Variants in GAS7 observed in about 807,000 individuals in gnomAD.
GAS7 encodes growth arrest specific 7.
Under a neutral mutation model 71.1 loss-of-function variants are expected in GAS7, and 28 were observed. That is an observed-to-expected ratio of 0.39 (90% confidence interval 0.29 to 0.54). The LOEUF (loss-of-function observed/expected upper bound fraction) is 0.54. Ranked by LOEUF, GAS7 falls within the 20% of genes least tolerant of loss-of-function variation. The probability of loss-of-function intolerance (pLI) is 0.62; values close to 1 mark genes in which losing one functional copy is unlikely to be tolerated. For missense variants in GAS7, 436 were observed against 627.8 expected (o/e 0.69, Z 3.27); for synonymous variants, 258 against 245.8 (o/e 1.05, Z -0.46).
chr17:10,056,753 C>A (rs1567572573), intron 1 of GAS7, among the ~76,000 whole-genome samples: 2 of 151,724 alleles, frequency 1.3e-5, no homozygotes, highest in Non-Finnish European at 2.9e-5. Context: ...TCTCCCTCCC[C>A]ACGATCTCCC....
intron 1 of GAS7, among the ~76,000 whole-genome samples, chr17:10,142,278 G>C (rs1245250065): frequency 6.6e-6 from 1 of 151,578 alleles, no homozygotes; most frequent in Non-Finnish European, 1.5e-5. Context: ...ACTAAAAGCA[G>C]ATTGTAAATC....
intron 1 of GAS7, among the ~76,000 whole-genome samples, chr17:10,020,973 C>A (rs765688940): frequency 5.9e-5 from 9 of 152,034 alleles, no homozygotes; most frequent in Non-Finnish European, 1.0e-4. Flanking sequence ...TCCCTGGGTG[C>A]TGGGATTACA....
In GAS7 at chr17:9,911,790, A is replaced by G; in HGVS notation, c.*5438T>C. On this transcript the variant is annotated 3_prime_UTR_variant, in exon 14 of 14. Transcript: ENST00000432992. This position sits in a 1 kb window ranked among gnomAD's most constrained non-coding sequence, Gnocchi z 4.0. ...AATCTTCACCTGGCCTGGATCCAGAAATGTCTCTGGTTCGCATAGAGAGGT... is the reference window on the plus strand; with the variant it reads ...AATCTTCACCTGGCCTGGATCCAGAGATGTCTCTGGTTCGCATAGAGAGGT... The G allele has an allele frequency of 4.3e-6, 1 of 231,392 alleles. No homozygotes were observed. The allele number at this position is 231,392 out of a possible 1,614,324, so 14.3% of individuals were successfully genotyped here.
intron 1 of GAS7, among the ~76,000 whole-genome samples, chr17:10,046,735 C>CAAAA (rs1178498141): frequency 4.1e-5 from 1 of 24,298 alleles, no homozygotes; most frequent in Non-Finnish European, 7.2e-5. Context: ...GACTCTGTCT[C>CAAAA]AAAAAAAAAA....
intron 2 of GAS7, among the ~76,000 whole-genome samples, chr17:10,000,335 G>T (rs1161073264): frequency 1.3e-5 from 2 of 152,186 alleles, no homozygotes; most frequent in Admixed American, 6.5e-5. Context: ...AGGCAACAAA[G>T]GGCAGGGTTT....
At chr17:10,000,337 G>A (rs1597651366) in intron 2 of GAS7, among the ~76,000 whole-genome samples, 4 of 152,306 alleles carry the variant, frequency 2.6e-5, no homozygotes, top group Admixed American at 2.6e-4. Flanking sequence ...GCAACAAAGG[G>A]CAGGGTTTTC....
intron 2 of GAS7, among the ~76,000 whole-genome samples, chr17:9,991,447 G>A (rs2070839564): frequency 1.3e-5 from 2 of 152,326 alleles, no homozygotes; most frequent in Non-Finnish European, 1.5e-5. Context: ...CAGAAACTGT[G>A]TTACTGATGG....
At chr17:9,956,053 G>A (rs2069221713) in intron 5 of GAS7, among the ~76,000 whole-genome samples, 2 of 152,216 alleles carry the variant, frequency 1.3e-5, no homozygotes, top group Admixed American at 1.3e-4. Context: ...AGGTGTGAGA[G>A]CCACTGAACA....
At chr17:10,109,450 C>T (rs925058534) in intron 1 of GAS7, among the ~76,000 whole-genome samples, 2 of 152,260 alleles carry the variant, frequency 1.3e-5, no homozygotes, top group African/African-American at 4.8e-5. Context: ...ATAACAGATA[C>T]TGCCAAGGAT....
intron 3 of GAS7, among the ~76,000 whole-genome samples, chr17:9,977,236 T>C (rs1420219753): frequency 2.0e-5 from 3 of 152,226 alleles, no homozygotes; most frequent in African/African-American, 4.8e-5. Context: ...TCCTTGGACA[T>C]ACCAGCCCCA....
At chr17:9,982,829 GAAA>G (rs2070470691) in intron 2 of GAS7, among the ~76,000 whole-genome samples, 2 of 75,338 alleles carry the variant, frequency 2.7e-5, no homozygotes, top group South Asian at 4.9e-4. Context: ...AGAAAGGAAA[GAAA>G]GAAAGAAAGA....
At chr17:9,966,825 CA>C (rs2069735408) in intron 4 of GAS7, among the ~76,000 whole-genome samples, 1 of 152,168 alleles carries the variant, frequency 6.6e-6, no homozygotes, top group Admixed American at 6.5e-5. Flanking sequence ...CGATCACCTC[CA>C]TGAACAGCCA....
chr17:10,053,855 A>G (rs780019492), intron 1 of GAS7, among the ~76,000 whole-genome samples: 2 of 152,144 alleles, frequency 1.3e-5, no homozygotes, highest in African/African-American at 4.8e-5. Flanking sequence ...CTGGCGTCCT[A>G]TCCATCCCCT....
intron 1 of GAS7, among the ~76,000 whole-genome samples, chr17:10,160,477 G>C (rs745651929): frequency 6.6e-6 from 1 of 152,130 alleles, no homozygotes; most frequent in Non-Finnish European, 1.5e-5. Context: ...AGCTGAGGCT[G>C]AGAAAGCTTA....
chr17:10,137,442 G>A (rs1246058336), intron 1 of GAS7, among the ~76,000 whole-genome samples: 2 of 150,770 alleles, frequency 1.3e-5, no homozygotes, highest in East Asian at 3.9e-4. Flanking sequence ...ATGAGTGTTT[G>A]TTTCTTAGAA....
At chr17:10,016,524 C>T (rs112631822) in intron 2 of GAS7, among the ~76,000 whole-genome samples, 1 of 145,364 alleles carries the variant, frequency 6.9e-6, no homozygotes, top group African/African-American at 2.6e-5. Context: ...TGCCTATAAT[C>T]TCAGCACTTT....
At chr17:10,010,584 C>T (rs940865896) in intron 2 of GAS7, among the ~76,000 whole-genome samples, 2 of 152,202 alleles carry the variant, frequency 1.3e-5, no homozygotes, top group Non-Finnish European at 2.9e-5. Context: ...GGGCTATATA[C>T]TGAGAAACCC....
At chr17:9,984,888 C>T (rs2070580168) in intron 2 of GAS7, among the ~76,000 whole-genome samples, 1 of 152,180 alleles carries the variant, frequency 6.6e-6, no homozygotes, top group Non-Finnish European at 1.5e-5. Flanking sequence ...CACCATCCAG[C>T]CTCAGGCTCC....
At chr17:9,997,473 T>C (rs950286480) in intron 2 of GAS7, among the ~76,000 whole-genome samples, 2 of 152,130 alleles carry the variant, frequency 1.3e-5, no homozygotes, top group Non-Finnish European at 2.9e-5. Flanking sequence ...AAAACTAAAC[T>C]GTTTCTCCTA....
Sources: allele counts gnomAD v4.1 joint callset (sites outside exome capture counted in the v4.1 genomes callset), GRCh38; gene constraint gnomAD v4.1.1; non-coding constraint Gnocchi (gnomAD v3.1); transcripts MANE v1.5; gene names NCBI Gene and HGNC (gene_info 2026-07-23, HGNC 2026-07-21).